The following EXT1 variants were observed in gnomAD, a reference collection of about 807,000 sequenced individuals.
The protein encoded by EXT1 is exostosin-1.
EXT1 carries 20 observed loss-of-function variants against 82.5 expected under a neutral mutation model. That is an observed-to-expected ratio of 0.24 (90% CI 0.17 to 0.35). EXT1 has a LOEUF of 0.35. Ranked by LOEUF, EXT1 falls within the 10% of genes least tolerant of loss-of-function variation. The pLI is 1.00. For missense variants in EXT1, 757 were observed against 936.5 expected, an observed-to-expected ratio of 0.81 and a Z score of 2.50; for synonymous variants, 348 against 350.8, an observed-to-expected ratio of 0.99 and a Z score of 0.09.
intron 1 of EXT1, among the ~76,000 whole-genome samples, chr8:117,838,511 C>T (rs1587004978): frequency 6.6e-6 from 1 of 152,100 alleles, no homozygotes; most frequent in East Asian, 1.9e-4. Flanking sequence ...AAGAAAAGGT[C>T]ACCGTGAATG....
intron 1 of EXT1, among the ~76,000 whole-genome samples, chr8:117,838,896 C>A (rs1405252346): frequency 1.3e-5 from 2 of 152,024 alleles, no homozygotes; most frequent in South Asian, 2.1e-4. Flanking sequence ...AGAATAGAAA[C>A]CCCTGAGGGA....
intron 1 of EXT1, among the ~76,000 whole-genome samples, chr8:118,050,161 T>C (rs1453817861): frequency 1.3e-5 from 2 of 152,182 alleles, no homozygotes; most frequent in South Asian, 2.1e-4. Context: ...TCTCCGGCTA[T>C]TGTCAGACTT....
intron 3 of EXT1, chr8:117,831,677 C>T (rs1041524437): frequency 1.5e-5 from 7 of 471,012 alleles, no homozygotes; most frequent in Middle Eastern, 3.2e-4. Flanking sequence ...AGAAATGCTC[C>T]GTTAGCTGCT....
chr8:117,963,005 T>C (rs1477945986), intron 1 of EXT1, among the ~76,000 whole-genome samples: 4 of 152,174 alleles, frequency 2.6e-5, no homozygotes, highest in Non-Finnish European at 4.4e-5. Context: ...GGTAGGAAAC[T>C]GGACATGACA....
intron 1 of EXT1, among the ~76,000 whole-genome samples, chr8:118,007,458 G>C (rs572319160): frequency 2.0e-5 from 3 of 152,132 alleles, no homozygotes; most frequent in Non-Finnish European, 4.4e-5. Context: ...GTGAAAACTA[G>C]AGGCCTCCTT....
chr8:118,027,279 T>C (rs929818559), intron 1 of EXT1, among the ~76,000 whole-genome samples: 10 of 151,906 alleles, frequency 6.6e-5, no homozygotes, highest in African/African-American at 9.7e-5. Flanking sequence ...TTCCTGTTTA[T>C]AGAGGGGTTT....
At chr8:117,972,536 A>G (rs914055639) in intron 1 of EXT1, among the ~76,000 whole-genome samples, 1 of 152,192 alleles carries the variant, frequency 6.6e-6, no homozygotes, top group African/African-American at 2.4e-5. Context: ...TCCCAGTGGG[A>G]AAAAAATGCA....
In EXT1 at chr8:117,814,286, C is replaced by T. The variant is rs539418644; in HGVS notation, c.1633-1325G>A. Among the ~76,000 whole-genome samples the T allele has an allele frequency of 4.1e-5, 6 of 147,772 alleles. No individual in the cohort carries two copies. In the East Asian group the frequency reaches 1.2e-3, roughly 30 times the overall value. On this transcript the variant is annotated intron_variant, in intron 7 of 10. Coordinates refer to ENST00000378204, the MANE Select transcript of EXT1 (RefSeq NM_000127.3). ...GTGGTGGGGGCTTTGGAGATTATGGCATCAGCTGGAAAAATTGAGGGTGGA... is the reference window on the plus strand; with the variant it reads ...GTGGTGGGGGCTTTGGAGATTATGGTATCAGCTGGAAAAATTGAGGGTGGA...
At chr8:117,846,856 G>A (rs563272857) in intron 1 of EXT1, among the ~76,000 whole-genome samples, 1 of 152,246 alleles carries the variant, frequency 6.6e-6, no homozygotes, top group East Asian at 1.9e-4. Flanking sequence ...AGTCCCAGGA[G>A]GCTGGCTGTG....
chr8:118,111,697 A>AGGCGGCGGC lies in EXT1; in HGVS notation c.-660_-652dup, dbSNP rs886062641. 1 of 196,998 alleles carries AGGCGGCGGC rather than the reference A, an allele frequency of 5.1e-6. No homozygotes were observed. The highest frequency in any genetic ancestry group is 9.7e-5 in the East Asian group (1 of 10,338). 12.2% of individuals were successfully genotyped at this position (196,998 alleles called of 1,614,324 possible). A position where few individuals can be genotyped will look rare whatever the true frequency, so the allele number is the denominator to read the frequency against. On this transcript the variant is annotated 5_prime_UTR_variant, in exon 1 of 11. Transcript: ENST00000378204. ...CCGGGACGCGCGGCGGCCCGGCTGG[A>AGGCGGCGGC]GGCGGCGGCGGCGGCGGCGCTGGGT...
At chr8:117,818,753 TAAAC>T (rs911236989) in intron 6 of EXT1, among the ~76,000 whole-genome samples, 12 of 150,694 alleles carry the variant, frequency 8.0e-5, no homozygotes, top group South Asian at 4.2e-4. Flanking sequence ...AGCAAACAAA[TAAAC>T]AAACAAACAA....
intron 1 of EXT1, among the ~76,000 whole-genome samples, chr8:118,044,101 A>G (rs1460996982): frequency 6.6e-6 from 1 of 152,240 alleles, no homozygotes; most frequent in Admixed American, 6.5e-5. Flanking sequence ...CATCAGGGTT[A>G]CGTATAACGC....
At chr8:117,981,749 G>T (rs1238640471) in intron 1 of EXT1, among the ~76,000 whole-genome samples, 1 of 151,484 alleles carries the variant, frequency 6.6e-6, no homozygotes, top group Non-Finnish European at 1.5e-5. Context: ...AGGCAGGCAG[G>T]CACCTATAAT....
In EXT1 at chr8:118,006,435, C is replaced by T. The variant is rs1055933768; in HGVS notation, c.962+103650G>A. On this transcript the variant is annotated intron_variant, in intron 1 of 10. Coordinates refer to ENST00000378204, the MANE Select transcript of EXT1 (RefSeq NM_000127.3). ...CCTGAGACCAAATATGAGCTCTGCCCTTTTAGAACGTAACTTTCCTTTTTC... is the reference window on the plus strand; with the variant it reads ...CCTGAGACCAAATATGAGCTCTGCCTTTTTAGAACGTAACTTTCCTTTTTC... 5.9e-5 allele frequency among the ~76,000 whole-genome samples: 9 copies of T among 152,242 alleles called. No individual in the cohort carries two copies. The South Asian group carries it at 1.7e-3, about 28-fold the overall frequency.
At position 117,810,052 on chromosome 8, in the gene EXT1, G is replaced by C. The variant is rs17503117; in HGVS notation, c.1723-2675C>G. 7.1e-3 allele frequency among the ~76,000 whole-genome samples: 1,083 copies of C among 152,310 alleles called. 18 individuals are homozygous for C. Among genetic ancestry groups the C allele is most frequent in the African/African-American group, 0.025 (1,028 of 41,556 alleles). Reference sequence around the variant, plus strand: ...AGATAAAACTATGATTCTTGTGATAGCTCTAATTTCATGCAGATTATTAAC... The same window carrying C: ...AGATAAAACTATGATTCTTGTGATACCTCTAATTTCATGCAGATTATTAAC... On this transcript the variant is annotated intron_variant, in intron 8 of 10. Transcript: ENST00000378204.
chr8:117,840,242 C>G (rs894798683), intron 1 of EXT1, among the ~76,000 whole-genome samples: 1 of 152,118 alleles, frequency 6.6e-6, no homozygotes, highest in Non-Finnish European at 1.5e-5. Flanking sequence ...AGGAGCTTTA[C>G]TCTGGGGCAG....
intron 1 of EXT1, among the ~76,000 whole-genome samples, chr8:117,993,686 T>A (rs1815480555): frequency 6.6e-6 from 1 of 152,198 alleles, no homozygotes; most frequent in Non-Finnish European, 1.5e-5. Context: ...AGACTCACAA[T>A]CCATGAGTAT....
intron 1 of EXT1, among the ~76,000 whole-genome samples, chr8:117,925,705 CAAAAAAAAAA>C (rs3049788): frequency 0.033 from 3,224 of 98,716 alleles, 131 homozygotes; most frequent in African/African-American, 0.11. Context: ...CCTGTCTCTA[CAAAAAAAAAA>C]AAAAAAAAGA....
chr8:118,079,357 G>T (rs763878776), intron 1 of EXT1, among the ~76,000 whole-genome samples: 1 of 152,128 alleles, frequency 6.6e-6, no homozygotes, highest in African/African-American at 2.4e-5. Flanking sequence ...TTAATTACTC[G>T]AATAAAACCT....
Sources: allele counts gnomAD v4.1 joint callset (sites outside exome capture counted in the v4.1 genomes callset), GRCh38; gene constraint gnomAD v4.1.1; transcripts MANE v1.5; gene names NCBI Gene and HGNC (gene_info 2026-07-23, HGNC 2026-07-21).